Variants in CENPP observed in about 807,000 individuals in gnomAD.
CENPP encodes the protein centromere protein P.
Under a neutral mutation model 35.6 loss-of-function variants are expected in CENPP, and 24 were observed. The observed-to-expected ratio is 0.67, with a 90% CI of 0.49 to 0.95. The LOEUF (loss-of-function observed/expected upper bound fraction) is 0.95. Ranked by LOEUF, CENPP falls within the 40% of genes least tolerant of loss-of-function variation. CENPP has a pLI of 0.00. For missense variants in CENPP, 332 were observed against 345.3 expected (o/e 0.96, Z 0.31); for synonymous variants, 120 against 125.5 (o/e 0.96, Z 0.29).
intron 5 of CENPP, 60 bp from the exon 6 acceptor site, chr9:92,611,254 T>TCCC (rs1305641445): frequency 7.2e-7 from 1 of 1,395,960 alleles, no homozygotes; most frequent in Non-Finnish European, 1.0e-6. Flanking sequence ...CCCGTGCCCC[T>TCCC]CCCATGGCCC....
intron 5 of CENPP, among the ~76,000 whole-genome samples, chr9:92,578,658 T>C (rs1850344579): frequency 6.6e-6 from 1 of 152,300 alleles, no homozygotes; most frequent in South Asian, 2.1e-4. Context: ...TTTGTTTTTT[T>C]CTTGTAAATT....
chr9:92,520,321 T>A (rs1171915913), intron 5 of CENPP, among the ~76,000 whole-genome samples: 3 of 152,028 alleles, frequency 2.0e-5, no homozygotes, highest in African/African-American at 4.8e-5. Context: ...GTTGAATAGA[T>A]ATTTCTCCAA....
At chr9:92,562,450 C>G (rs1849871448) in intron 5 of CENPP, among the ~76,000 whole-genome samples, 1 of 152,050 alleles carries the variant, frequency 6.6e-6, no homozygotes, top group African/African-American at 2.4e-5. Context: ...AGGTGATCCA[C>G]CTGCCTCGGC....
intron 5 of CENPP, among the ~76,000 whole-genome samples, chr9:92,396,803 A>G (rs530222495): frequency 6.2e-4 from 95 of 152,206 alleles, no homozygotes; most frequent in African/African-American, 2.3e-3. Context: ...TCCTGAGGTC[A>G]AGCAGTCCTC....
chr9:92,347,843 A>G (rs544965655), intron 4 of CENPP, among the ~76,000 whole-genome samples: 1 of 152,288 alleles, frequency 6.6e-6, no homozygotes, highest in African/African-American at 2.4e-5. Context: ...ACATGTTCCA[A>G]ATGTCTCAGG....
intron 5 of CENPP, among the ~76,000 whole-genome samples, chr9:92,579,867 C>T (rs914166719): frequency 5.9e-4 from 87 of 146,796 alleles, no homozygotes; most frequent in Non-Finnish European, 8.8e-4. Flanking sequence ...AGAGGGCATC[C>T]CTGTCTTGTG....
chr9:92,337,661 A>G, intron 3 of CENPP, 32 bp downstream of exon 3: 3 of 1,281,464 alleles, frequency 2.3e-6, no homozygotes, highest in Non-Finnish European at 3.4e-6. Context: ...GATAACAGAG[A>G]TACTTCTGCT....
chr9:92,500,590 C>T, intron 5 of CENPP: 1 of 802,472 alleles, frequency 1.2e-6, no homozygotes, highest in Non-Finnish European at 1.9e-6. Flanking sequence ...CTAACATTTG[C>T]CAATCTTGTT....
intron 5 of CENPP, among the ~76,000 whole-genome samples, chr9:92,380,472 A>T (rs1842217917): frequency 7.9e-6 from 1 of 127,380 alleles, no homozygotes; most frequent in Non-Finnish European, 1.6e-5. Flanking sequence ...GTCAACTTAA[A>T]TAATATTTCA....
intron 5 of CENPP, among the ~76,000 whole-genome samples, chr9:92,520,086 G>A (rs945972512): frequency 1.1e-5 from 1 of 89,862 alleles, no homozygotes; most frequent in Non-Finnish European, 2.2e-5. Flanking sequence ...ATTTGAGAAC[G>A]GCTTGGACAA....
chr9:92,510,222 A>G lies in CENPP; in HGVS notation c.565-101092A>G, dbSNP rs1887173. Among the ~76,000 whole-genome samples the G allele has an allele frequency of 3.3e-4, 51 of 152,296 alleles. No individual in the cohort carries two copies. The South Asian group carries it at 9.1e-3, about 27-fold the overall frequency. On this transcript the variant is annotated intron_variant, in intron 5 of 7. Transcript: ENST00000375587. ...GATATTGATCCTGGTAATAGCATTG[A>G]TTCTCAGGGATTTTCAGCAGACTAC...
At chr9:92,328,004 G>T (rs549811996) in intron 1 of CENPP, among the ~76,000 whole-genome samples, 1 of 152,106 alleles carries the variant, frequency 6.6e-6, no homozygotes, top group Non-Finnish European at 1.5e-5. Flanking sequence ...AATAGGAAGG[G>T]GTATAACGAG....
At chr9:92,456,568 C>T (rs576583001) in intron 5 of CENPP, 13 of 151,958 alleles carry the variant, frequency 8.6e-5, no homozygotes, top group African/African-American at 3.1e-4. Context: ...ATGCGAGTTA[C>T]AGATTTTATG....
At chr9:92,466,723 T>G in intron 5 of CENPP, 2 of 660,080 alleles carry the variant, frequency 3.0e-6, no homozygotes, top group Non-Finnish European at 5.0e-6. Context: ...CAATCTAAGC[T>G]TTTAAAAAAA....
chr9:92,435,251 T>C (rs1163177534), intron 5 of CENPP, among the ~76,000 whole-genome samples: 3 of 152,216 alleles, frequency 2.0e-5, no homozygotes, highest in Non-Finnish European at 4.4e-5. Context: ...TTAAAAATAC[T>C]GTCTGACCAT....
intron 5 of CENPP, among the ~76,000 whole-genome samples, chr9:92,437,001 AC>A (rs1251577242): frequency 1.3e-5 from 2 of 152,122 alleles, no homozygotes; most frequent in Non-Finnish European, 1.5e-5. Flanking sequence ...GGAGTTTGAG[AC>A]CAGCCTGGCC....
intron 4 of CENPP, among the ~76,000 whole-genome samples, chr9:92,352,510 C>CGTGT (rs71511616): frequency 4.0e-5 from 2 of 50,448 alleles, no homozygotes; most frequent in African/African-American, 1.6e-4. Context: ...TGTGTGTATA[C>CGTGT]ATATATATAT....
At chr9:92,385,874 C>A in intron 5 of CENPP, 1 of 1,345,128 alleles carries the variant, frequency 7.4e-7, no homozygotes, top group Non-Finnish European at 1.0e-6. Flanking sequence ...AAACCTAAGT[C>A]AGAGGTCTGA....
intron 1 of CENPP, among the ~76,000 whole-genome samples, chr9:92,326,937 C>T (rs543401364): frequency 6.6e-6 from 1 of 152,288 alleles, no homozygotes; most frequent in African/African-American, 2.4e-5. Context: ...AGGAGGAGAT[C>T]TACAGAAAAT....
Sources: gnomAD v4.1 joint callset for allele counts (sites outside exome capture counted in the v4.1 genomes callset) on GRCh38, gnomAD v4.1.1 for gene constraint, MANE v1.5 for transcripts, NCBI Gene and HGNC (gene_info 2026-07-23, HGNC 2026-07-21) for gene names.